The following RNF220 variants were observed in gnomAD, a reference collection of about 807,000 sequenced individuals.
RNF220 encodes E3 ubiquitin-protein ligase RNF220.
RNF220 carries 7 observed loss-of-function variants against 67.1 expected under a neutral mutation model. The observed-to-expected ratio is 0.10, with a 90% CI of 0.06 to 0.20. RNF220 has a LOEUF of 0.20. Among genes scored for constraint, RNF220 ranks in the 10% least tolerant of loss-of-function variants. The pLI is 1.00. For synonymous variants in RNF220, 270 were observed against 283.2 expected, an observed-to-expected ratio of 0.95 and a Z score of 0.47; for missense variants, 565 against 740.3, an observed-to-expected ratio of 0.76 and a Z score of 2.75.
intron 2 of RNF220, among the ~76,000 whole-genome samples, chr1:44,488,727 C>CTTTTTTTTTTTT (rs55968850): frequency 1.1e-3 from 108 of 102,444 alleles, no homozygotes; most frequent in Non-Finnish European, 1.2e-3. Flanking sequence ...TTTCTTTTTT[C>CTTTTTTTTTTTT]TTTTTTTTTT....
At chr1:44,518,668 A>T (rs1659655277) in intron 2 of RNF220, among the ~76,000 whole-genome samples, 1 of 152,156 alleles carries the variant, frequency 6.6e-6, no homozygotes, top group South Asian at 2.1e-4. Context: ...CGAGGTCAGA[A>T]GATCAAGACC....
intron 2 of RNF220, among the ~76,000 whole-genome samples, chr1:44,509,223 T>C (rs1013007710): frequency 2.6e-5 from 4 of 152,130 alleles, no homozygotes; most frequent in Non-Finnish European, 5.9e-5. Context: ...AGTCCTGGTG[T>C]TTATCCGAGC....
chr1:44,465,249 G>C (rs991517565), intron 2 of RNF220, among the ~76,000 whole-genome samples: 14 of 151,846 alleles, frequency 9.2e-5, no homozygotes, highest in Non-Finnish European at 1.9e-4. Flanking sequence ...TGGAAAAGCA[G>C]GTTACTGAAT....
At chr1:44,625,249 G>A (rs759193818) in intron 4 of RNF220, among the ~76,000 whole-genome samples, 2 of 152,322 alleles carry the variant, frequency 1.3e-5, no homozygotes, top group South Asian at 2.1e-4. Context: ...GGAGCTCCAC[G>A]TTGCAGAGAA....
intron 2 of RNF220, among the ~76,000 whole-genome samples, chr1:44,599,023 T>C (rs987510492): frequency 6.6e-6 from 1 of 151,912 alleles, no homozygotes; most frequent in African/African-American, 2.4e-5. Context: ...ACTTAGTCCC[T>C]GAATCATTTA....
chr1:44,412,797 C>T lies in RNF220; in HGVS notation c.625+75C>T, dbSNP rs1215113132. 5.3e-6 allele frequency: 8 copies of T among 1,511,188 alleles called. No individual in the cohort carries two copies. Among genetic ancestry groups the T allele is most frequent in the Admixed American group, 3.9e-5 (2 of 50,812 alleles). 93.6% of individuals were successfully genotyped at this position (1,511,188 alleles called of 1,614,324 possible). On this transcript the variant is annotated intron_variant, in intron 2 of 14. Coordinates refer to ENST00000361799, the MANE Select transcript of RNF220 (RefSeq NM_018150.4). This position sits in a 1 kb window ranked among gnomAD's most constrained non-coding sequence, Gnocchi z 5.3. The stretch of plus-strand genomic sequence containing the variant: ...ACCGTGATGTTCAACAGGTCGGTGG[C>T]GTTTTGCATGCTCCTAGTAATAGGA...
chr1:44,597,289 A>C (rs941074950), intron 2 of RNF220, among the ~76,000 whole-genome samples: 1 of 152,206 alleles, frequency 6.6e-6, no homozygotes, highest in Non-Finnish European at 1.5e-5. Context: ...GAATGGATAA[A>C]TAAATGAATG....
At chr1:44,440,865 T>C (rs1319278252) in intron 2 of RNF220, among the ~76,000 whole-genome samples, 1 of 152,130 alleles carries the variant, frequency 6.6e-6, no homozygotes, top group Non-Finnish European at 1.5e-5. Flanking sequence ...GTGCCTCCTG[T>C]TCCCTGAGTC....
chr1:44,449,328 A>G (rs1652427729), intron 2 of RNF220, among the ~76,000 whole-genome samples: 1 of 152,134 alleles, frequency 6.6e-6, no homozygotes, highest in African/African-American at 2.4e-5. Context: ...TTGCCCCCAA[A>G]ACTTCCAATT....
intron 2 of RNF220, among the ~76,000 whole-genome samples, chr1:44,567,675 G>T (rs936776997): frequency 1.3e-5 from 2 of 152,008 alleles, no homozygotes; most frequent in Admixed American, 6.6e-5. Flanking sequence ...AAGACCCTAG[G>T]GATAGCCTCA....
At chr1:44,423,758 C>A in intron 2 of RNF220, 1 of 829,534 alleles carries the variant, frequency 1.2e-6, no homozygotes, top group Non-Finnish European at 1.5e-6. Flanking sequence ...TTAAACTAAG[C>A]CACATAGCAC....
rs1215366027 is a variant in RNF220, at chr1:44,436,402, T to C, written c.625+23680T>C. On this transcript the variant is annotated intron_variant, in intron 2 of 14. Coordinates refer to ENST00000361799, the MANE Select transcript of RNF220 (RefSeq NM_018150.4). ...TTTCTTGTCGAGATCGTGTGTGTGC[T>C]CACACACACACATGTGTGAGCAAAA... 2.6e-5 allele frequency among the ~76,000 whole-genome samples: 3 copies of C among 116,664 alleles called. No individual in the cohort carries two copies. In the South Asian group the frequency reaches 8.3e-4, roughly 32 times the overall value. The allele number at this position is 116,664 out of a possible 152,430, so 76.5% of individuals were successfully genotyped here. A position where few individuals can be genotyped will look rare whatever the true frequency, so the allele number is the denominator to read the frequency against.
In RNF220 at chr1:44,502,960, T is replaced by G. The variant is rs940092895; in HGVS notation, c.625+90238T>G. Among the ~76,000 whole-genome samples the G allele has an allele frequency of 6.6e-5, 10 of 152,162 alleles. No individual in the cohort carries two copies. The East Asian group carries it at 1.9e-3, about 29-fold the overall frequency. Reference sequence around the variant, plus strand: ...TTTTCTATTTTTATTTTTGGAGAGATGGGGTCTTGCTGTGTTGCCCAGGCT... The same window carrying G: ...TTTTCTATTTTTATTTTTGGAGAGAGGGGGTCTTGCTGTGTTGCCCAGGCT... On this transcript the variant is annotated intron_variant, in intron 2 of 14. Coordinates refer to ENST00000361799, the MANE Select transcript of RNF220 (RefSeq NM_018150.4).
chr1:44,648,514 G>A (rs1644708272), intron 12 of RNF220: 2 of 152,196 alleles, frequency 1.3e-5, no homozygotes, highest in South Asian at 4.1e-4. Flanking sequence ...TTAGGAGGGT[G>A]GGAAGGTTCC....
At chr1:44,556,191 C>T (rs1663068381) in intron 2 of RNF220, among the ~76,000 whole-genome samples, 2 of 150,056 alleles carry the variant, frequency 1.3e-5, no homozygotes, top group African/African-American at 5.0e-5. Context: ...TGCATCACCA[C>T]ACCTGGCTAA....
At chr1:44,509,884 C>CAAAAAAA (rs1557996558) in intron 2 of RNF220, among the ~76,000 whole-genome samples, 3,844 of 80,278 alleles carry the variant, frequency 0.048, 700 homozygotes, top group African/African-American at 0.062. Context: ...GAGACCCTGT[C>CAAAAAAA]CAAAAAAAAA....
chr1:44,498,595 G>A (rs144044573), intron 2 of RNF220, among the ~76,000 whole-genome samples: 1 of 151,990 alleles, frequency 6.6e-6, no homozygotes, highest in African/African-American at 2.4e-5. Context: ...TCCTAATGTT[G>A]TGCAGCCGTG....
At chr1:44,560,401 G>A (rs1048260189) in intron 2 of RNF220, among the ~76,000 whole-genome samples, 1 of 152,168 alleles carries the variant, frequency 6.6e-6, no homozygotes, top group African/African-American at 2.4e-5. Context: ...TCATCAGTTC[G>A]GCTCCTGGAG....
At chr1:44,511,778 G>A (rs1029237870) in intron 2 of RNF220, among the ~76,000 whole-genome samples, 2 of 152,292 alleles carry the variant, frequency 1.3e-5, no homozygotes, top group Middle Eastern at 6.8e-3. Flanking sequence ...GAAGTGAAAC[G>A]GATGTGACTC....
Sources: allele counts gnomAD v4.1 joint callset (sites outside exome capture counted in the v4.1 genomes callset), GRCh38; gene constraint gnomAD v4.1.1; non-coding constraint Gnocchi (gnomAD v3.1); transcripts MANE v1.5; gene names NCBI Gene and HGNC (gene_info 2026-07-23, HGNC 2026-07-21).